Variants in ANO10 observed in about 807,000 individuals in gnomAD.
ANO10 encodes anoctamin-10.
Under a neutral mutation model 74.7 loss-of-function variants are expected in ANO10, and 77 were observed. The ratio of observed to expected loss-of-function variants is 1.03; its 90% CI spans 0.86 to 1.25. The LOEUF is 1.25. ANO10 is among the 50% of genes most tolerant of loss of function. The probability of loss-of-function intolerance (pLI) is 0.00; values close to 1 mark genes in which losing one functional copy is unlikely to be tolerated. For synonymous variants in ANO10, 279 were observed against 284.9 expected, an observed-to-expected ratio of 0.98 and a Z score of 0.21; for missense variants, 721 against 778.1, an observed-to-expected ratio of 0.93 and a Z score of 0.87.
At chr3:43,390,517 C>CATCTTCT (rs1200174823) in intron 12 of ANO10, among the ~76,000 whole-genome samples, 1 of 152,218 alleles carries the variant, frequency 6.6e-6, no homozygotes, top group Non-Finnish European at 1.5e-5. Context: ...TCATGTGCCA[C>CATCTTCT]ATCTTCTATG....
intron 1 of ANO10, among the ~76,000 whole-genome samples, chr3:43,678,324 C>T (rs1052626407): frequency 1.3e-5 from 2 of 152,090 alleles, no homozygotes; most frequent in Non-Finnish European, 2.9e-5. Context: ...AAGAGACCAC[C>T]CCTCATATTG....
chr3:43,535,045 C>T (rs569278751), intron 11 of ANO10, among the ~76,000 whole-genome samples: 2 of 151,704 alleles, frequency 1.3e-5, no homozygotes, highest in Non-Finnish European at 2.9e-5. Context: ...ACAATCTCAG[C>T]TCACTGTAAC....
At chr3:43,435,261 C>A in intron 11 of ANO10, among the ~76,000 whole-genome samples, 1 of 151,494 alleles carries the variant, frequency 6.6e-6, no homozygotes, top group Non-Finnish European at 1.5e-5. Flanking sequence ...GTAATCCCAG[C>A]ACTTTGAGAG....
intron 10 of ANO10, 52 bp downstream of exon 10, chr3:43,555,226 A>G: frequency 2.5e-6 from 4 of 1,577,348 alleles, no homozygotes; most frequent in Non-Finnish European, 3.5e-6. Flanking sequence ...CCCTGTCATA[A>G]CACCTCGTAT....
In ANO10 at chr3:43,484,950, C is replaced by T. The variant is rs2076411291; in HGVS notation, c.1798-52223G>A. ...GGCGTTCCTGAGTTTATTTGGGGCC[C>T]ACCCAGGCAAGGGCCCTGCACCTAG... On this transcript the variant is annotated intron_variant, in intron 11 of 12. Transcript: ENST00000292246. The T allele has an allele frequency of 1.4e-5, 14 of 1,035,434 alleles. 1 individual carries two copies. In the South Asian group the frequency reaches 2.0e-4, roughly 15 times the overall value. 64.1% of individuals were successfully genotyped at this position (1,035,434 alleles called of 1,614,324 possible). A position where few individuals can be genotyped will look rare whatever the true frequency, so the allele number is the denominator to read the frequency against.
intron 12 of ANO10, among the ~76,000 whole-genome samples, chr3:43,398,317 G>C (rs1559507846): frequency 6.6e-6 from 1 of 152,186 alleles, no homozygotes; most frequent in Non-Finnish European, 1.5e-5. Context: ...GATTAATGTA[G>C]ATTAATTTGA....
chr3:43,552,274 G>GTTGGGTA (rs1284825470), intron 10 of ANO10, among the ~76,000 whole-genome samples: 2 of 152,106 alleles, frequency 1.3e-5, no homozygotes, highest in Non-Finnish European at 2.9e-5. Flanking sequence ...GTCTACATAG[G>GTTGGGTA]TTGGGTATAG....
At chr3:43,580,125 A>G (rs923987482) in intron 5 of ANO10, among the ~76,000 whole-genome samples, 2 of 150,676 alleles carry the variant, frequency 1.3e-5, no homozygotes, top group Non-Finnish European at 3.0e-5. Flanking sequence ...AGCCTGTGAC[A>G]TAGTGAGACC....
intron 11 of ANO10, among the ~76,000 whole-genome samples, chr3:43,476,394 C>T (rs2076066585): frequency 6.6e-6 from 1 of 152,102 alleles, no homozygotes; most frequent in South Asian, 2.1e-4. Context: ...TTTTGATCTC[C>T]AATTAGTGGG....
In ANO10 at chr3:43,402,020, C is replaced by T. The variant is rs1303073901; in HGVS notation, c.1914+30591G>A. 3.9e-5 allele frequency among the ~76,000 whole-genome samples: 6 copies of T among 152,216 alleles called. No homozygotes were observed. In the East Asian group the frequency reaches 1.2e-3, roughly 29 times the overall value. ...TGCTTTAGGCACAGTCCGGCTTGGG[C>T]ACAGAGTCTGTAACATCCCCAGTGG... On this transcript the variant is annotated intron_variant, in intron 12 of 12. Coordinates refer to ENST00000292246, the MANE Select transcript of ANO10 (RefSeq NM_018075.5).
intron 11 of ANO10, among the ~76,000 whole-genome samples, chr3:43,479,442 A>T (rs940082510): frequency 1.3e-5 from 2 of 152,228 alleles, no homozygotes; most frequent in African/African-American, 4.8e-5. Context: ...TCTATGAAAA[A>T]TTACCAAATT....
rs1367145393 is a variant in ANO10, at chr3:43,565,708, A to T, written c.1238T>A (p.Phe413Tyr). ...KVLVFNFLNC[F>Y]ASLFYIAFVL... ...AAAGGCAATATAGAAGAGTGAGGCA[A>T]AGCAATTGAGGAAGTTGAACTGCCA... is the stretch of plus-strand genomic sequence containing the variant. Residue 413 changes from phenylalanine (F) to tyrosine (Y), a missense_variant, in exon 8 of 13, where the codon TTT becomes TAT. By Grantham distance (22) the Phe-to-Tyr change is conservative. Coordinates refer to ENST00000292246, the MANE Select transcript of ANO10 (RefSeq NM_018075.5). 1.9e-6 allele frequency: 3 copies of T among 1,568,718 alleles called. No homozygotes were observed. Among genetic ancestry groups the T allele is most frequent in the Non-Finnish European group, 2.6e-6 (3 of 1,156,158 alleles).
At chr3:43,485,144 G>A in intron 11 of ANO10, 1 of 796,302 alleles carries the variant, frequency 1.3e-6, no homozygotes, top group Admixed American at 1.9e-5. Flanking sequence ...TGATCTGGAT[G>A]GAGTGGGCCC....
intron 11 of ANO10, among the ~76,000 whole-genome samples, chr3:43,470,644 T>TTTATTTATTTATTTATTTA (rs1428524328): frequency 9.5e-6 from 1 of 105,262 alleles, no homozygotes; most frequent in Non-Finnish European, 2.3e-5. Context: ...TTATTTATTT[T>TTTATTTATTTATTTATTTA]GAGGCAGAGT....
At chr3:43,429,411 G>T (rs562850188) in intron 12 of ANO10, among the ~76,000 whole-genome samples, 1 of 152,040 alleles carries the variant, frequency 6.6e-6, no homozygotes, top group Non-Finnish European at 1.5e-5. Context: ...AAAATTTACT[G>T]TATAGATATA....
At chr3:43,625,291 GGT>G (rs1215974547), upstream of ANO10, among the ~76,000 whole-genome samples, 3 of 152,210 alleles carry the variant, frequency 2.0e-5, no homozygotes, top group Non-Finnish European at 1.5e-5. Flanking sequence ...GATAGTGTCT[GGT>G]TGACAATTCC....
chr3:43,569,352 C>G (rs1249294151), intron 7 of ANO10, among the ~76,000 whole-genome samples: 2 of 145,448 alleles, frequency 1.4e-5, no homozygotes, highest in Non-Finnish European at 3.0e-5. Context: ...CAGCATCATT[C>G]TGATACCAAA....
intron 1 of ANO10, among the ~76,000 whole-genome samples, chr3:43,663,750 G>A (rs1224623184): frequency 6.6e-6 from 1 of 151,718 alleles, no homozygotes; most frequent in Non-Finnish European, 1.5e-5. Flanking sequence ...CAGTAACAGA[G>A]AGCCAAATCA....
chr3:43,449,504 C>T (rs1237139649), intron 11 of ANO10, among the ~76,000 whole-genome samples: 2 of 138,596 alleles, frequency 1.4e-5, no homozygotes, highest in Non-Finnish European at 1.5e-5. Flanking sequence ...TATAAGGTCC[C>T]TATCTAGATT....
Sources: allele counts gnomAD v4.1 joint callset (sites outside exome capture counted in the v4.1 genomes callset), GRCh38; gene constraint gnomAD v4.1.1; transcripts MANE v1.5; gene names NCBI Gene and HGNC (gene_info 2026-07-23, HGNC 2026-07-21).